EPB41L2: variants seen among roughly 807,000 people sequenced by gnomAD.
The protein encoded by EPB41L2 is band 4.1-like protein 2.
A neutral mutation model predicts 113.0 loss-of-function variants in EPB41L2; 43 were observed. That is an observed-to-expected ratio of 0.38 (90% CI 0.30 to 0.49). The LOEUF is 0.49. EPB41L2 is among the 20% of genes least tolerant of loss of function. The pLI, the probability that EPB41L2 is intolerant of heterozygous loss-of-function variation, is 0.95. For synonymous variants in EPB41L2, 442 were observed against 436.7 expected, an observed-to-expected ratio of 1.01 and a Z score of -0.15; for missense variants, 1,147 against 1,223.4, an observed-to-expected ratio of 0.94 and a Z score of 0.93.
chr6:130,947,891 T>C (rs777397737), intron 3 of EPB41L2, among the ~76,000 whole-genome samples: 21 of 152,198 alleles, frequency 1.4e-4, no homozygotes, highest in Admixed American at 5.2e-4. Flanking sequence ...ATTGTTATAA[T>C]AGCTATTAGG....
rs774610345 is a variant in EPB41L2, at chr6:130,839,442, C to T, written c.*1162G>A. The T allele has an allele frequency of 4.6e-5, 7 of 152,084 alleles. No individual in the cohort carries two copies. Among genetic ancestry groups the T allele is most frequent in the Non-Finnish European group, 8.8e-5 (6 of 68,022 alleles). The allele number at this position is 152,084 out of a possible 1,614,324, so 9.4% of individuals were successfully genotyped here. A position where few individuals can be genotyped will look rare whatever the true frequency, so the allele number is the denominator to read the frequency against. On this transcript the variant is annotated 3_prime_UTR_variant, in exon 20 of 20. Coordinates refer to ENST00000337057, the MANE Select transcript of EPB41L2 (RefSeq NM_001431.4). ...GGCTGCTATAAATCTAATCTGGCAT[C>T]GTAACTATACATAGGGTCAAAGGCA...
chr6:130,934,177 T>A (rs904815327), intron 3 of EPB41L2, among the ~76,000 whole-genome samples: 19 of 152,178 alleles, frequency 1.2e-4, no homozygotes, highest in African/African-American at 4.3e-4. Context: ...ATTTATCAGA[T>A]AATTATTTTC....
At chr6:131,062,195 C>CAT (rs1798791156) in intron 1 of EPB41L2, among the ~76,000 whole-genome samples, 1 of 150,568 alleles carries the variant, frequency 6.6e-6, no homozygotes, top group African/African-American at 2.5e-5. Flanking sequence ...TTTATTTATA[C>CAT]ATATATATAA....
At chr6:130,912,871 T>C (rs1799855581) in intron 4 of EPB41L2, among the ~76,000 whole-genome samples, 1 of 151,942 alleles carries the variant, frequency 6.6e-6, no homozygotes, top group Admixed American at 6.6e-5. Context: ...AAAAACGAAA[T>C]TGAATGGCGC....
At chr6:130,934,871 C>T (rs919765839) in intron 3 of EPB41L2, among the ~76,000 whole-genome samples, 6 of 146,314 alleles carry the variant, frequency 4.1e-5, no homozygotes, top group East Asian at 2.0e-4. Flanking sequence ...TTTGTATATA[C>T]GTATACAAGT....
rs34376821 is a variant in EPB41L2 at position 131,059,114 on chromosome 6, C to CTTCTTTTTTTTTTTTTTT, written c.-15+4040_-15+4041insAAAAAAAAAAAAAAAGAA. Among the ~76,000 whole-genome samples the CTTCTTTTTTTTTTTTTTT allele has an allele frequency of 1.5e-5, 2 of 131,376 alleles. 1 individual carries two copies. 86.2% of individuals were successfully genotyped at this position (131,376 alleles called of 152,430 possible). On this transcript the variant is annotated intron_variant, in intron 1 of 19. Coordinates refer to ENST00000337057, the MANE Select transcript of EPB41L2 (RefSeq NM_001431.4). The stretch of plus-strand genomic sequence containing the variant: ...TCTTTCCTTCTTGGCTTACCTATAA[C>CTTCTTTTTTTTTTTTTTT]TTTTTTTTTTTTTTTTTTGAGATGG...
At chr6:131,062,592 C>T (rs1798894436) in intron 1 of EPB41L2, 1 of 151,556 alleles carries the variant, frequency 6.6e-6, no homozygotes, top group African/African-American at 2.4e-5. Context: ...TGGCGCGCCG[C>T]CCTCGCCCGG....
chr6:130,861,309 T>A (rs896183209), intron 18 of EPB41L2, among the ~76,000 whole-genome samples: 2 of 151,952 alleles, frequency 1.3e-5, no homozygotes, highest in Non-Finnish European at 2.9e-5. Context: ...CCTGACCTCG[T>A]GATCTGCCCA....
At chr6:130,950,619 T>C (rs1025859577) in intron 3 of EPB41L2, among the ~76,000 whole-genome samples, 3 of 152,092 alleles carry the variant, frequency 2.0e-5, no homozygotes, top group African/African-American at 4.8e-5. Flanking sequence ...TCACCAAAAA[T>C]AGACCAACAG....
chr6:130,909,385 G>C (rs963601855), intron 4 of EPB41L2, among the ~76,000 whole-genome samples: 1 of 152,264 alleles, frequency 6.6e-6, no homozygotes, highest in African/African-American at 2.4e-5. Flanking sequence ...TGTAAGGAGA[G>C]GTAAGGTCAG....
At chr6:130,847,859 C>T (rs73000212) in intron 19 of EPB41L2, among the ~76,000 whole-genome samples, 2,675 of 152,172 alleles carry the variant, frequency 0.018, 32 homozygotes, top group Admixed American at 0.031. Flanking sequence ...CTTAAAGCTT[C>T]TTTTAAATAA....
intron 1 of EPB41L2, among the ~76,000 whole-genome samples, chr6:131,029,471 A>G (rs1228006812): frequency 1.3e-5 from 2 of 152,068 alleles, no homozygotes; most frequent in African/African-American, 2.4e-5. Context: ...TAGCACATTA[A>G]TAACTGTCCT....
At chr6:130,877,133 T>C (rs1249547312) in intron 14 of EPB41L2, among the ~76,000 whole-genome samples, 4 of 152,230 alleles carry the variant, frequency 2.6e-5, no homozygotes, top group Non-Finnish European at 5.9e-5. Context: ...GCTTTCTTTT[T>C]CAATGGCACA....
chr6:130,857,030 A>T (rs1196254314), intron 19 of EPB41L2, among the ~76,000 whole-genome samples: 1 of 152,174 alleles, frequency 6.6e-6, no homozygotes, highest in Admixed American at 6.5e-5. Context: ...CTTGTAGGTG[A>T]ATATTTGTAT....
intron 14 of EPB41L2, among the ~76,000 whole-genome samples, chr6:130,873,999 G>T (rs747366466): frequency 7.9e-5 from 12 of 152,106 alleles, no homozygotes; most frequent in Non-Finnish European, 1.8e-4. Context: ...CCCAGTGAGA[G>T]ATCACTGGGG....
chr6:130,865,466 A>C, intron 17 of EPB41L2, 70 bp downstream of exon 17: 1 of 1,464,252 alleles, frequency 6.8e-7, no homozygotes, highest in South Asian at 1.2e-5. Flanking sequence ...ACAGGAAGAG[A>C]GAAACAATTC....
intron 1 of EPB41L2, among the ~76,000 whole-genome samples, chr6:131,004,703 G>A (rs551892069): frequency 7.2e-5 from 11 of 152,216 alleles, no homozygotes; most frequent in Non-Finnish European, 1.2e-4. Flanking sequence ...TGCCTGTAAA[G>A]GAGATGGGGT....
At chr6:131,041,196 G>T (rs1383946927) in intron 1 of EPB41L2, among the ~76,000 whole-genome samples, 1 of 152,102 alleles carries the variant, frequency 6.6e-6, no homozygotes, top group African/African-American at 2.4e-5. Context: ...CTGGTTAAAC[G>T]GGAAACTGTC....
chr6:130,906,615 TTA>T (rs1474811528), intron 5 of EPB41L2, among the ~76,000 whole-genome samples: 4 of 152,230 alleles, frequency 2.6e-5, no homozygotes, highest in African/African-American at 9.6e-5. Flanking sequence ...ATAGTCTTAT[TTA>T]TGTTTCAGAA....
Sources: allele counts gnomAD v4.1 joint callset (sites outside exome capture counted in the v4.1 genomes callset), GRCh38; gene constraint gnomAD v4.1.1; transcripts MANE v1.5; gene names NCBI Gene and HGNC (gene_info 2026-07-23, HGNC 2026-07-21).